Variants in TIFA observed in about 807,000 individuals in gnomAD.
TIFA encodes the protein TRAF interacting protein with forkhead associated domain.
For missense variants in TIFA, 186 were observed against 215.2 expected (o/e 0.86, Z 0.85); for synonymous variants, 75 against 79.2 (o/e 0.95, Z 0.28).
At chr4:112,278,745 G>C (rs186790200) in intron 1 of TIFA, among the ~76,000 whole-genome samples, 9 of 152,238 alleles carry the variant, frequency 5.9e-5, no homozygotes, top group Non-Finnish European at 1.0e-4. Context: ...AGAAACCTCA[G>C]TTCCTCTTTC....
At chr4:112,285,279 G>A (rs1478730664) in intron 1 of TIFA, among the ~76,000 whole-genome samples, 1 of 151,690 alleles carries the variant, frequency 6.6e-6, no homozygotes, top group East Asian at 1.9e-4. Flanking sequence ...GTTGGCAAGC[G>A]GGGGAGGGGG....
intron 1 of TIFA, among the ~76,000 whole-genome samples, chr4:112,285,238 G>T (rs1040987386): frequency 6.6e-6 from 1 of 151,460 alleles, no homozygotes; most frequent in African/African-American, 2.4e-5. Flanking sequence ...GAAAGGTCTC[G>T]CTTGGCCACC....
At chr4:112,281,374 C>T (rs1298615840) in intron 1 of TIFA, among the ~76,000 whole-genome samples, 1 of 152,118 alleles carries the variant, frequency 6.6e-6, no homozygotes, top group Non-Finnish European at 1.5e-5. Context: ...GAAAAGCTTA[C>T]CCCATATAGG....
intron 1 of TIFA, among the ~76,000 whole-genome samples, chr4:112,283,231 A>G (rs1727258198): frequency 6.6e-6 from 1 of 152,178 alleles, no homozygotes; most frequent in Non-Finnish European, 1.5e-5. Flanking sequence ...GGGGGACATA[A>G]ATGTGTGTGG....
chr4:112,284,583 T>C (rs980151318), intron 1 of TIFA, among the ~76,000 whole-genome samples: 1 of 152,036 alleles, frequency 6.6e-6, no homozygotes, highest in Non-Finnish European at 1.5e-5. Flanking sequence ...ATGGTGAAAA[T>C]GTTTACTTTC....
chr4:112,280,968 G>A (rs77824088), intron 1 of TIFA, among the ~76,000 whole-genome samples: 333 of 152,260 alleles, frequency 2.2e-3, no homozygotes, highest in African/African-American at 7.8e-3. Context: ...CACACAATGG[G>A]TAAAACTGGT....
At chr4:112,284,801 C>T (rs775706030) in intron 1 of TIFA, among the ~76,000 whole-genome samples, 2 of 151,952 alleles carry the variant, frequency 1.3e-5, no homozygotes, top group African/African-American at 4.8e-5. Flanking sequence ...ACAGGATCAC[C>T]CTGAAGTGTG....
intron 1 of TIFA, among the ~76,000 whole-genome samples, chr4:112,279,820 C>A (rs1415294385): frequency 6.6e-6 from 1 of 152,054 alleles, no homozygotes; most frequent in African/African-American, 2.4e-5. Flanking sequence ...AAACGCACCA[C>A]CACACCCGGC....
In TIFA at chr4:112,277,678, ACAACAGGTG is replaced by A; in HGVS notation, c.*175_*183del. 1 of 370,066 alleles carries A rather than the reference ACAACAGGTG, an allele frequency of 2.7e-6. No individual in the cohort carries two copies. The highest frequency in any genetic ancestry group is 1.2e-4 in the South Asian group (1 of 8,118). The allele number at this position is 370,066 out of a possible 1,614,324, so 22.9% of individuals were successfully genotyped here. On this transcript the variant is annotated 3_prime_UTR_variant, in exon 2 of 2. Transcript: ENST00000361717. Reference sequence around the variant, plus strand: ...AAATAATTTTGTGTAGATCCAGAATACAACAGGTGACTAAGTTAATGACTAACACAATTT... The same window carrying A: ...AAATAATTTTGTGTAGATCCAGAATAACTAAGTTAATGACTAACACAATTT...
rs1180357888 is a variant in TIFA at position 112,274,977 on chromosome 4, C to G, written c.*2885G>C. The G allele has an allele frequency of 6.6e-6, 1 of 152,108 alleles. No individual in the cohort carries two copies. The highest frequency in any genetic ancestry group is 1.5e-5 in the Non-Finnish European group (1 of 68,026). The allele number at this position is 152,108 out of a possible 1,614,324, so 9.4% of individuals were successfully genotyped here. A position where few individuals can be genotyped will look rare whatever the true frequency, so the allele number is the denominator to read the frequency against. ...TTAATACACCTCTCTACCTAAGGAGCCCCAGAAAAATCACTTTCCAGGGAC... is the reference window on the plus strand; with the variant it reads ...TTAATACACCTCTCTACCTAAGGAGGCCCAGAAAAATCACTTTCCAGGGAC... On this transcript the variant is annotated 3_prime_UTR_variant, in exon 2 of 2. Transcript: ENST00000361717.
At chr4:112,285,372 C>G (rs1206775144) in intron 1 of TIFA, 1 of 152,072 alleles carries the variant, frequency 6.6e-6, no homozygotes, top group African/African-American at 2.4e-5. Context: ...GAAAAGAATA[C>G]CAAAGTACAG....
chr4:112,274,892 T>C lies in TIFA; in HGVS notation c.*2970A>G, dbSNP rs1727075921. On this transcript the variant is annotated 3_prime_UTR_variant, in exon 2 of 2. Transcript: ENST00000361717. ...GAAAATGGTTATATGGCCTATGAGA[T>C]TTAACCACTGGAGTTGCAGGTTCAA... 6.6e-6 allele frequency: 1 copy of C among 152,100 alleles called. No homozygotes were observed. The highest frequency in any genetic ancestry group is 6.6e-5 in the Admixed American group (1 of 15,266). The allele number at this position is 152,100 out of a possible 1,614,324, so 9.4% of individuals were successfully genotyped here.
In TIFA at chr4:112,276,193, T is replaced by G. The variant is rs1226909973; in HGVS notation, c.*1669A>C. 6.5e-6 allele frequency: 1 copy of G among 152,910 alleles called. No homozygotes were observed. The highest frequency in any genetic ancestry group is 1.5e-5 in the Non-Finnish European group (1 of 68,056). The allele number at this position is 152,910 out of a possible 1,614,324, so 9.5% of individuals were successfully genotyped here. On this transcript the variant is annotated 3_prime_UTR_variant, in exon 2 of 2. Coordinates refer to ENST00000361717, the MANE Select transcript of TIFA (RefSeq NM_052864.3). ...CAAGACTTTGTTCCTTTCTGGATAT[T>G]TCTTTGTCTTTTCTGGCTTCCAGAT...
In TIFA at chr4:112,278,021, C is replaced by A; in HGVS notation, c.396G>T (p.Glu132Asp). Residue 132 changes from glutamate to aspartate, a missense_variant, in exon 2 of 2, where the codon GAG becomes GAT. Glu to Asp is a conservative substitution (Grantham distance 45, BLOSUM62 2). Transcript: ENST00000361717. ...YQFLMEKEDGESLEFFETQFI... is the reference protein window; with the variant it reads ...YQFLMEKEDGDSLEFFETQFI... ...ATTGAGTCTCAAAAAATTCCAATGACTCGCCATCTTCCTTCTCCATCAGAA... is the reference window on the plus strand; with the variant it reads ...ATTGAGTCTCAAAAAATTCCAATGAATCGCCATCTTCCTTCTCCATCAGAA... The A allele has an allele frequency of 6.2e-7, 1 of 1,614,006 alleles. No homozygotes were observed. Among genetic ancestry groups the A allele is most frequent in the East Asian group, 2.2e-5 (1 of 44,874 alleles).
At position 112,285,875 on chromosome 4, in the gene TIFA, C is replaced by G. The variant is rs1229920972; in HGVS notation, c.-254G>C. The G allele has an allele frequency of 6.6e-6, 1 of 152,394 alleles. No individual in the cohort carries two copies. The highest frequency in any genetic ancestry group is 1.5e-5 in the Non-Finnish European group (1 of 68,052). The allele number at this position is 152,394 out of a possible 1,614,324, so 9.4% of individuals were successfully genotyped here. A position where few individuals can be genotyped will look rare whatever the true frequency, so the allele number is the denominator to read the frequency against. Reference sequence around the variant, plus strand: ...TGCCTTCCCACTGGCTGGCAGAGCACGTCCTCTCGCGCCCGGGGCCTTTGT... The same window carrying G: ...TGCCTTCCCACTGGCTGGCAGAGCAGGTCCTCTCGCGCCCGGGGCCTTTGT... On this transcript the variant is annotated 5_prime_UTR_variant, in exon 1 of 2. Coordinates refer to ENST00000361717, the MANE Select transcript of TIFA (RefSeq NM_052864.3).
At chr4:112,280,897 C>T (rs1727218426) in intron 1 of TIFA, among the ~76,000 whole-genome samples, 1 of 152,162 alleles carries the variant, frequency 6.6e-6, no homozygotes, top group African/African-American at 2.4e-5. Flanking sequence ...GAGAAAAATC[C>T]TCAAAATCCT....
Position 112,278,264 on chromosome 4 carries a change from T to G in TIFA, c.153A>C (p.Arg51=). Residue 51 remains arginine (R), a synonymous_variant, in exon 2 of 2, where the codon CGA becomes CGC. Transcript: ENST00000361717. ...AAGTATAATGACAGATGTTGGAATT[T>G]CGGCCAAATTTCACCACTTCGCTGG... ...LPSSEVVKFG[R]NSNICHYTFQ... 6.2e-7 allele frequency: 1 copy of G among 1,614,146 alleles called. No individual in the cohort carries two copies. Among genetic ancestry groups the G allele is most frequent in the Admixed American group, 1.7e-5 (1 of 60,022 alleles).
chr4:112,283,866 C>T (rs1458304759), intron 1 of TIFA, among the ~76,000 whole-genome samples: 2 of 152,192 alleles, frequency 1.3e-5, no homozygotes, highest in African/African-American at 4.8e-5. Flanking sequence ...CTTACAAAAT[C>T]ACCAACCTCT....
rs1309817398 is a variant in TIFA at position 112,275,970 on chromosome 4, A to T, written c.*1892T>A. The T allele has an allele frequency of 4.6e-5, 7 of 152,228 alleles. No homozygotes were observed. The highest frequency in any genetic ancestry group is 1.7e-4 in the African/African-American group (7 of 41,458). The allele number at this position is 152,228 out of a possible 1,614,324, so 9.4% of individuals were successfully genotyped here. ...CCGGGTGATCTGGCTGTAAACCCAC[A>T]TCAGACCAGAAGCTAAAATCCTAGA... On this transcript the variant is annotated 3_prime_UTR_variant, in exon 2 of 2. Coordinates refer to ENST00000361717, the MANE Select transcript of TIFA (RefSeq NM_052864.3).
Sources: gnomAD v4.1 joint callset for allele counts (sites outside exome capture counted in the v4.1 genomes callset) on GRCh38, gnomAD v4.1.1 for gene constraint, MANE v1.5 for transcripts, NCBI Gene and HGNC (gene_info 2026-07-23, HGNC 2026-07-21) for gene names.